ZNF490: variants seen among roughly 807,000 people sequenced by gnomAD.
The protein encoded by ZNF490 is zinc finger protein 490.
ZNF490 carries 11 observed loss-of-function variants against 17.7 expected under a neutral mutation model. That is an observed-to-expected ratio of 0.62 (90% CI 0.39 to 1.03). The LOEUF is 1.03. Ranked by LOEUF, ZNF490 falls within the 50% of genes least tolerant of loss-of-function variation. The pLI is 0.00. For missense variants in ZNF490, 542 were observed against 643.4 expected, an observed-to-expected ratio of 0.84 and a Z score of 1.71; for synonymous variants, 222 against 216.1, an observed-to-expected ratio of 1.03 and a Z score of -0.24.
chr19:12,580,821 G>T lies in ZNF490; in HGVS notation c.1254C>A (p.Tyr418Ter). 6.2e-7 allele frequency: 1 copy of T among 1,614,058 alleles called. No individual in the cohort carries two copies. The change falls in exon 5 of 5, where the codon TAC (tyrosine) becomes TAA (stop). Residue 418 changes from tyrosine to a stop codon, truncating the protein, a stop_gained. Coordinates refer to ENST00000311437, the MANE Select transcript of ZNF490 (RefSeq NM_020714.3). LOFTEE classifies it low-confidence loss of function (END_TRUNC). ...AGGCTTTACCACATTCTTTACATTC[G>T]TAAGTTTTCTCGCCAGTGTGAACTC... ...HERVHTGEKTYECKECGKAFL... is the reference protein window; with the variant it reads ...HERVHTGEKT
chr19:12,605,889 TA>T (rs1599314381), intron 2 of ZNF490, among the ~76,000 whole-genome samples: 3 of 152,104 alleles, frequency 2.0e-5, no homozygotes, highest in East Asian at 3.8e-4. Flanking sequence ...TTTTTTAATT[TA>T]ATTTTTTTTT....
intron 2 of ZNF490, among the ~76,000 whole-genome samples, chr19:12,599,249 A>G (rs904701201): frequency 6.6e-6 from 1 of 151,926 alleles, no homozygotes; most frequent in Non-Finnish European, 1.5e-5. Context: ...TAAAGAAAAG[A>G]TATTTTATAT....
At position 12,578,492 on chromosome 19, in the gene ZNF490, T is replaced by C. The variant is rs1269808783; in HGVS notation, c.*1993A>G. ...CCACAGAGAAATTCAGATGTGAATG[T>C]TTAAACAAGTGTCCAAAGTGTAGGT... On this transcript the variant is annotated 3_prime_UTR_variant, in exon 5 of 5. Coordinates refer to ENST00000311437, the MANE Select transcript of ZNF490 (RefSeq NM_020714.3). 3.0e-6 allele frequency: 3 copies of C among 985,236 alleles called. No individual in the cohort carries two copies. Among genetic ancestry groups the C allele is most frequent in the Non-Finnish European group, 3.6e-6 (3 of 829,950 alleles). 61.0% of individuals were successfully genotyped at this position (985,236 alleles called of 1,614,324 possible). A position where few individuals can be genotyped will look rare whatever the true frequency, so the allele number is the denominator to read the frequency against.
chr19:12,580,611 G>A lies in ZNF490; in HGVS notation c.1464C>T (p.Ser488=). The A allele has an allele frequency of 6.2e-7, 1 of 1,613,994 alleles. No homozygotes were observed. The highest frequency in any genetic ancestry group is 1.7e-5 in the Admixed American group (1 of 59,988). Residue 488 remains serine, a synonymous_variant, in exon 5 of 5, where the codon TCC becomes TCT. Coordinates refer to ENST00000311437, the MANE Select transcript of ZNF490 (RefSeq NM_020714.3). ...TATGAATTCTTTTGTGTACTTTCAGGGAATTTAAACAAGTGAAAGCTTTGC... is the reference window on the plus strand; with the variant it reads ...TATGAATTCTTTTGTGTACTTTCAGAGAATTTAAACAAGTGAAAGCTTTGC... The part of the protein sequence containing the change: ...QCGKAFTCLN[S]LKVHKRIHTG...
chr19:12,584,276 C>T (rs1599306447), intron 2 of ZNF490, among the ~76,000 whole-genome samples: 1 of 90,674 alleles, frequency 1.1e-5, no homozygotes, highest in African/African-American at 3.3e-5. Flanking sequence ...CCTGCCCCAA[C>T]CTCCCAAGTA....
At chr19:12,599,959 T>TG (rs2022981845) in intron 2 of ZNF490, among the ~76,000 whole-genome samples, 1 of 152,208 alleles carries the variant, frequency 6.6e-6, no homozygotes, top group African/African-American at 2.4e-5. Context: ...AACACTAACC[T>TG]GCTCTTTAAC....
intron 2 of ZNF490, among the ~76,000 whole-genome samples, chr19:12,602,617 A>G (rs370927705): frequency 6.6e-6 from 1 of 150,760 alleles, no homozygotes; most frequent in Non-Finnish European, 1.5e-5. Context: ...CCCATCATGT[A>G]TATTTCTTTT....
chr19:12,583,196 C>G (rs934742777), intron 3 of ZNF490, among the ~76,000 whole-genome samples: 1 of 152,090 alleles, frequency 6.6e-6, no homozygotes, highest in Admixed American at 6.6e-5. Context: ...CACCTGCCAC[C>G]AGGCCTGGCT....
At position 12,576,878 on chromosome 19, in the gene ZNF490, T is replaced by C. The variant is rs550382692; in HGVS notation, c.*3607A>G. Reference sequence around the variant, plus strand: ...ATTTAAAAATATATATAAATATATATACACACAGCCCTCTAGACAAATATA... The same window carrying C: ...ATTTAAAAATATATATAAATATATACACACACAGCCCTCTAGACAAATATA... On this transcript the variant is annotated 3_prime_UTR_variant, in exon 5 of 5. Coordinates refer to ENST00000311437, the MANE Select transcript of ZNF490 (RefSeq NM_020714.3). Among the ~76,000 whole-genome samples, 16 of 138,312 alleles carry C rather than the reference T, an allele frequency of 1.2e-4. No individual in the cohort carries two copies. The highest frequency in any genetic ancestry group is 9.0e-4 in the South Asian group (4 of 4,434). The allele number at this position is 138,312 out of a possible 152,430, so 90.7% of individuals were successfully genotyped here. A position where few individuals can be genotyped will look rare whatever the true frequency, so the allele number is the denominator to read the frequency against.
chr19:12,580,524 C>T lies in ZNF490; in HGVS notation c.1551G>A (p.Leu517=). The T allele has an allele frequency of 6.2e-7, 1 of 1,610,920 alleles. No individual in the cohort carries two copies. ...CGKAFSYSKS[L]HVHERTHSRQ... is the part of the protein sequence containing the mutation. ...TACTATGAGTCCTTTCGTGCACGTG[C>T]AAAGACTTTGAGTAACTGAAGGCTT... Residue 517 remains leucine (L), a synonymous_variant, in exon 5 of 5, where the codon TTG becomes TTA. Transcript: ENST00000311437.
intron 2 of ZNF490, among the ~76,000 whole-genome samples, chr19:12,598,245 A>C (rs2022958863): frequency 9.6e-6 from 1 of 104,696 alleles, no homozygotes; most frequent in South Asian, 2.6e-4. Context: ...AATTAAAAAA[A>C]ATAGCTATTG....
intron 2 of ZNF490, among the ~76,000 whole-genome samples, chr19:12,591,338 C>T (rs753431177): frequency 9.3e-5 from 14 of 151,280 alleles, no homozygotes; most frequent in Non-Finnish European, 1.8e-4. Flanking sequence ...TGCAGTGAGC[C>T]GAGATTACGC....
chr19:12,577,624 G>T lies in ZNF490; in HGVS notation c.*2861C>A. 1 of 985,464 alleles carries T rather than the reference G, an allele frequency of 1.0e-6. No homozygotes were observed. Among genetic ancestry groups the T allele is most frequent in the Admixed American group, 6.1e-5 (1 of 16,276 alleles). 61.0% of individuals were successfully genotyped at this position (985,464 alleles called of 1,614,324 possible). A position where few individuals can be genotyped will look rare whatever the true frequency, so the allele number is the denominator to read the frequency against. ...CACAGTAGCCGTCACTTCCACTGAG[G>T]CCTCATCTGCCAGCAAACCTTGCTC... On this transcript the variant is annotated 3_prime_UTR_variant, in exon 5 of 5. Transcript: ENST00000311437.
At chr19:12,598,943 C>T (rs2022967720) in intron 2 of ZNF490, among the ~76,000 whole-genome samples, 1 of 150,238 alleles carries the variant, frequency 6.7e-6, no homozygotes, top group African/African-American at 2.4e-5. Flanking sequence ...GCCGAGACTG[C>T]ATCACTGCAC....
At chr19:12,607,147 C>G (rs923313387) in intron 2 of ZNF490, among the ~76,000 whole-genome samples, 2 of 151,942 alleles carry the variant, frequency 1.3e-5, no homozygotes, top group African/African-American at 4.8e-5. Flanking sequence ...CAAGATCAGC[C>G]TGGGCAACAT....
At position 12,610,748 on chromosome 19, in the gene ZNF490, C is replaced by G. The variant is rs562900970; in HGVS notation, c.-68G>C. 3 of 1,491,742 alleles carry G rather than the reference C, an allele frequency of 2.0e-6. No individual in the cohort carries two copies. Among genetic ancestry groups the G allele is most frequent in the East Asian group, 2.3e-5 (1 of 44,318 alleles). 92.4% of individuals were successfully genotyped at this position (1,491,742 alleles called of 1,614,324 possible). A position where few individuals can be genotyped will look rare whatever the true frequency, so the allele number is the denominator to read the frequency against. Reference sequence around the variant, plus strand: ...TCCGACCCGAGATCCGGAACAATTTCTGCTTCAACACAATTGTCCACGGAG... The same window carrying G: ...TCCGACCCGAGATCCGGAACAATTTGTGCTTCAACACAATTGTCCACGGAG... On this transcript the variant is annotated 5_prime_UTR_variant, in exon 1 of 5. Transcript: ENST00000311437.
At chr19:12,604,661 CA>C (rs56761414) in intron 2 of ZNF490, among the ~76,000 whole-genome samples, 34 of 140,628 alleles carry the variant, frequency 2.4e-4, no homozygotes, top group Admixed American at 3.6e-4. Context: ...GACTCTATCT[CA>C]AAAAAAAAAA....
Position 12,603,771 on chromosome 19 carries a change from T to C in ZNF490, c.162+5387A>G, listed in dbSNP as rs146692395. ...GTGCCACTGTCACTGGGTGACAGAGTGAAGGAGACCCTATCTCAAAAAAAA... is the reference window on the plus strand; with the variant it reads ...GTGCCACTGTCACTGGGTGACAGAGCGAAGGAGACCCTATCTCAAAAAAAA... On this transcript the variant is annotated intron_variant, in intron 2 of 4. Transcript: ENST00000311437. 2.0e-3 allele frequency among the ~76,000 whole-genome samples: 288 copies of C among 142,054 alleles called. 1 individual carries two copies. Among genetic ancestry groups the C allele is most frequent in the Admixed American group, 2.9e-3 (40 of 13,946 alleles). 93.2% of individuals were successfully genotyped at this position (142,054 alleles called of 152,430 possible).
Position 12,576,690 on chromosome 19 carries a change from G to A in ZNF490, c.*3795C>T, listed in dbSNP as rs1287614839. ...AATTTAGCTGGTTGTGGTGGCACGC[G>A]CCTATAGTCCCAGCTACTCAGGAGG... On this transcript the variant is annotated 3_prime_UTR_variant, in exon 5 of 5. Transcript: ENST00000311437. 5.9e-5 allele frequency among the ~76,000 whole-genome samples: 9 copies of A among 151,394 alleles called. No homozygotes were observed. The highest frequency in any genetic ancestry group is 1.2e-4 in the Non-Finnish European group (8 of 67,888).
Sources: allele counts gnomAD v4.1 joint callset (sites outside exome capture counted in the v4.1 genomes callset), GRCh38; gene constraint gnomAD v4.1.1; transcripts MANE v1.5; gene names NCBI Gene and HGNC (gene_info 2026-07-23, HGNC 2026-07-21).